MYCBP2: variants seen among roughly 807,000 people sequenced by gnomAD.
The protein encoded by MYCBP2 is E3 ubiquitin-protein ligase MYCBP2.
In MYCBP2, 120 loss-of-function variants were observed where a neutral mutation model predicts 525.3. The observed-to-expected ratio is 0.23, with a 90% CI of 0.20 to 0.27. MYCBP2 has a LOEUF of 0.27. Among genes scored for constraint, MYCBP2 ranks in the 10% least tolerant of loss-of-function variants. The pLI is 1.00. For synonymous variants in MYCBP2, 1,894 were observed against 1,955.8 expected (o/e 0.97, Z 0.83); for missense variants, 4,149 against 5,657.1 (o/e 0.73, Z 8.55).
At chr13:77,059,326 C>T (rs995405390) in intron 77 of MYCBP2, among the ~76,000 whole-genome samples, 197 bp downstream of exon 77, 11 of 152,138 alleles carry the variant, frequency 7.2e-5, no homozygotes, top group African/African-American at 1.9e-4. Context: ...GAGAAACATA[C>T]AAAAAGAGTG....
At chr13:77,096,585 C>T in intron 56 of MYCBP2, 104 bp from the exon 57 acceptor site, 1 of 1,179,254 alleles carries the variant, frequency 8.5e-7, no homozygotes, top group South Asian at 2.0e-5. Flanking sequence ...TCAAAGAAAG[C>T]AAAATACTGA....
intron 39 of MYCBP2, 127 bp downstream of exon 39, chr13:77,169,487 T>A (rs892928434): frequency 1.7e-4 from 111 of 664,216 alleles, no homozygotes; most frequent in Non-Finnish European, 2.8e-4. Context: ...AGCAGATCTA[T>A]CTCTGCTTGT....
chr13:77,326,906 T>TTTG lies in MYCBP2; in HGVS notation c.-132_-131insCAA. 1 of 831,782 alleles carries TTTG rather than the reference T, an allele frequency of 1.2e-6. No homozygotes were observed. Among genetic ancestry groups the TTTG allele is most frequent in the Non-Finnish European group, 1.7e-6 (1 of 600,630 alleles). 51.5% of individuals were successfully genotyped at this position (831,782 alleles called of 1,614,324 possible). On this transcript the variant is annotated 5_prime_UTR_variant, in exon 1 of 83. An upstream open reading frame in the 5' UTR loses its in-frame stop. Coordinates refer to ENST00000544440, the MANE Select transcript of MYCBP2 (RefSeq NM_015057.5). This position sits in a 1 kb window ranked among gnomAD's most constrained non-coding sequence, Gnocchi z 4.2. The stretch of plus-strand genomic sequence containing the variant: ...CCTCTGGCTCCCGCAGCAGGGAGAC[T>TTTG]ACAAAGACAGCGACCTCCTTCTCCT...
At position 77,098,236 on chromosome 13, in the gene MYCBP2, T is replaced by C. The variant is rs767720390; in HGVS notation, c.8918A>G (p.Lys2973Arg). ...GSNKVHFSIGKAPLKDEQEMR... is the reference protein window; with the variant it reads ...GSNKVHFSIGRAPLKDEQEMR... ...TTCCTGTTCATCTTTCAGTGGTGCT[T>C]TTCCAATGCTAAAATGAACTTTATT... The change falls in exon 56 of 83, where the codon AAA becomes AGA. Residue 2973 changes from lysine (K) to arginine (R), a missense_variant. This residue lies in a region of MYCBP2 where 653 missense variants were observed against 744.7 expected (regional missense o/e 0.88). Transcript: ENST00000544440. 5 of 1,613,454 alleles carry C rather than the reference T, an allele frequency of 3.1e-6. No homozygotes were observed. The East Asian group carries it at 1.1e-4, about 36-fold the overall frequency.
At position 77,211,038 on chromosome 13, in the gene MYCBP2, A is replaced by T. The variant is rs1316010952; in HGVS notation, c.3416+129T>A. On this transcript the variant is annotated intron_variant, in intron 23 of 82. Transcript: ENST00000544440. ...AGGTCCCTGTGAATCACTGAGACAGAATTGCAGTTATTAGATAAACAGGAG... is the reference window on the plus strand; with the variant it reads ...AGGTCCCTGTGAATCACTGAGACAGTATTGCAGTTATTAGATAAACAGGAG... The T allele has an allele frequency of 4.9e-6, 3 of 613,342 alleles. No homozygotes were observed. The East Asian group carries it at 1.1e-4, about 22-fold the overall frequency. The allele number at this position is 613,342 out of a possible 1,614,324, so 38.0% of individuals were successfully genotyped here.
At position 77,059,613 on chromosome 13, in the gene MYCBP2, C is replaced by T. The variant is rs572826991; in HGVS notation, c.13050G>A (p.Thr4350=). The T allele has an allele frequency of 1.5e-5, 25 of 1,613,756 alleles. No homozygotes were observed. In the East Asian group the frequency reaches 2.7e-4, roughly 17 times the overall value. ...AGAAGCGACATGCTTCTGAGCTACT[C>T]GTGGTGGGTTTGCCTAGGTTCAAGC... ...EFREHTGKPT[T]SSSEACRFCG... is the part of the protein sequence containing the mutation. Residue 4350 remains threonine (T), a synonymous_variant, in exon 77 of 83, where the codon ACG becomes ACA. Coordinates refer to ENST00000544440, the MANE Select transcript of MYCBP2 (RefSeq NM_015057.5).
chr13:77,144,402 G>C, intron 49 of MYCBP2, 43 bp downstream of exon 49: 1 of 1,334,154 alleles, frequency 7.5e-7, no homozygotes, highest in Middle Eastern at 1.8e-4. Context: ...TTTGACTCTA[G>C]TTATTTGAAG....
At chr13:77,292,343 C>A (rs1441474612) in intron 2 of MYCBP2, among the ~76,000 whole-genome samples, 1 of 152,096 alleles carries the variant, frequency 6.6e-6, no homozygotes, top group Non-Finnish European at 1.5e-5. Flanking sequence ...ATGAGTCCTT[C>A]TGGCAAATCA....
chr13:77,119,081 G>A (rs1459872503), intron 55 of MYCBP2, among the ~76,000 whole-genome samples: 1 of 152,048 alleles, frequency 6.6e-6, no homozygotes, highest in Admixed American at 6.5e-5. Flanking sequence ...GAAATATTTT[G>A]CTTAGATGAA....
chr13:77,175,302 G>A (rs2059587076), intron 36 of MYCBP2, among the ~76,000 whole-genome samples: 1 of 151,646 alleles, frequency 6.6e-6, no homozygotes, highest in South Asian at 2.1e-4. Context: ...AATTTTAGAT[G>A]TGAGGAAAAA....
At chr13:77,289,539 T>C (rs1294476105) in intron 2 of MYCBP2, among the ~76,000 whole-genome samples, 1 of 151,426 alleles carries the variant, frequency 6.6e-6, no homozygotes, top group Admixed American at 6.6e-5. Flanking sequence ...AAGTTAGGAA[T>C]AGAAGGGAAT....
chr13:77,294,143 C>CATATATATATATAA (rs2077913987), intron 2 of MYCBP2, among the ~76,000 whole-genome samples: 4 of 39,720 alleles, frequency 1.0e-4, no homozygotes, highest in Admixed American at 2.9e-4. Context: ...TATATATATA[C>CATATATATATATAA]ATATATATAA....
At chr13:77,123,102 C>T (rs909216187) in intron 54 of MYCBP2, among the ~76,000 whole-genome samples, 5 of 152,282 alleles carry the variant, frequency 3.3e-5, no homozygotes, top group Admixed American at 6.5e-5. Context: ...GTTTTACTCA[C>T]ATGACTTCAT....
chr13:77,123,427 A>C (rs1353004386), intron 54 of MYCBP2, among the ~76,000 whole-genome samples: 1 of 152,202 alleles, frequency 6.6e-6, no homozygotes, highest in Non-Finnish European at 1.5e-5. Context: ...CTATCTTCTA[A>C]GTTTATAAGA....
intron 2 of MYCBP2, among the ~76,000 whole-genome samples, chr13:77,290,511 A>G (rs953058071): frequency 5.3e-5 from 8 of 152,220 alleles, no homozygotes; most frequent in African/African-American, 1.9e-4. Context: ...GTACATCCAT[A>G]CCATGAAATG....
At position 77,164,476 on chromosome 13, in the gene MYCBP2, C is replaced by T. The variant is rs201977083; in HGVS notation, c.6525G>A (p.Lys2175=). Residue 2175 remains lysine (K), a synonymous_variant, in exon 43 of 83, where the codon AAG becomes AAA. Coordinates refer to ENST00000544440, the MANE Select transcript of MYCBP2 (RefSeq NM_015057.5). ...TACCAATAGGAAGTGCTAGGTCCTTCTTCATCAGAGCTGCTGCACAAACCC... is the reference window on the plus strand; with the variant it reads ...TACCAATAGGAAGTGCTAGGTCCTTTTTCATCAGAGCTGCTGCACAAACCC... ...LGGVCAAALM[K]KDLALPIGNE... 6.2e-7 allele frequency: 1 copy of T among 1,612,522 alleles called. No individual in the cohort carries two copies. Among genetic ancestry groups the T allele is most frequent in the Non-Finnish European group, 8.5e-7 (1 of 1,178,574 alleles).
chr13:77,320,478 T>A, intron 1 of MYCBP2, among the ~76,000 whole-genome samples: 1 of 152,098 alleles, frequency 6.6e-6, no homozygotes, highest in East Asian at 1.9e-4. Context: ...ATAGAAGAAA[T>A]AACAGAATTA....
Position 77,064,743 on chromosome 13 carries a change from C to A in MYCBP2, c.12553-9G>T. 6.2e-7 allele frequency: 1 copy of A among 1,612,722 alleles called. No individual in the cohort carries two copies. Among genetic ancestry groups the A allele is most frequent in the South Asian group, 1.1e-5 (1 of 90,816 alleles). ...GCTTCTGACAGATGACCCTATTGAGCAGAACAGAGTATTTTAATAAGTGAC... is the reference window on the plus strand; with the variant it reads ...GCTTCTGACAGATGACCCTATTGAGAAGAACAGAGTATTTTAATAAGTGAC... On this transcript the variant is annotated splice_polypyrimidine_tract_variant and intron_variant, in intron 72 of 82. Coordinates refer to ENST00000544440, the MANE Select transcript of MYCBP2 (RefSeq NM_015057.5).
intron 1 of MYCBP2, among the ~76,000 whole-genome samples, chr13:77,310,297 T>G (rs772231193): frequency 6.6e-6 from 1 of 152,184 alleles, no homozygotes; most frequent in Non-Finnish European, 1.5e-5. Flanking sequence ...CATTTCTGTT[T>G]TGCACTTCTT....
Sources: allele counts gnomAD v4.1 joint callset (sites outside exome capture counted in the v4.1 genomes callset), GRCh38; gene constraint gnomAD v4.1.1; regional missense constraint gnomAD v4.1.1; non-coding constraint Gnocchi (gnomAD v3.1); transcripts MANE v1.5; gene names NCBI Gene and HGNC (gene_info 2026-07-23, HGNC 2026-07-21).